Variants in PDE4D observed in about 807,000 individuals in gnomAD.
The protein encoded by PDE4D is phosphodiesterase 4D.
In PDE4D, 24 loss-of-function variants were observed where a neutral mutation model predicts 87.4. That is an observed-to-expected ratio of 0.27 (90% CI 0.20 to 0.39). The LOEUF (loss-of-function observed/expected upper bound fraction) is 0.39. Ranked by LOEUF, PDE4D falls within the 10% of genes least tolerant of loss-of-function variation. The pLI is 1.00. For synonymous variants in PDE4D, 384 were observed against 383.2 expected (o/e 1.00, Z -0.02); for missense variants, 714 against 1,041.0 (o/e 0.69, Z 4.32).
intron 1 of PDE4D, among the ~76,000 whole-genome samples, chr5:59,367,096 A>C (rs1783187012): frequency 6.6e-6 from 1 of 152,230 alleles, no homozygotes; most frequent in African/African-American, 2.4e-5. Context: ...GATTCAGACT[A>C]TCGACTCCTC....
At chr5:59,926,179 A>G (rs950593392) in intron 3 of PDE4D, among the ~76,000 whole-genome samples, 1 of 152,198 alleles carries the variant, frequency 6.6e-6, no homozygotes, top group Non-Finnish European at 1.5e-5. Context: ...CTCTGACCAC[A>G]ATAGAACAAA....
chr5:59,935,769 C>G (rs1756495749), intron 3 of PDE4D, among the ~76,000 whole-genome samples: 1 of 152,024 alleles, frequency 6.6e-6, no homozygotes, highest in African/African-American at 2.4e-5. Flanking sequence ...ATCCATGTCC[C>G]TACAAAGGAC....
intron 1 of PDE4D, among the ~76,000 whole-genome samples, chr5:60,510,554 C>T (rs759277990): frequency 4.6e-5 from 7 of 152,058 alleles, no homozygotes; most frequent in African/African-American, 1.4e-4. Flanking sequence ...GGGAAGGACA[C>T]GGTACTAATG....
chr5:59,610,751 G>A (rs1315180883), intron 1 of PDE4D, among the ~76,000 whole-genome samples: 2 of 152,110 alleles, frequency 1.3e-5, no homozygotes, highest in Non-Finnish European at 2.9e-5. Context: ...AAGTAAACGA[G>A]GGGGAAAAGG....
At chr5:60,078,305 G>C (rs898479440) in intron 2 of PDE4D, among the ~76,000 whole-genome samples, 1 of 151,926 alleles carries the variant, frequency 6.6e-6, no homozygotes, top group Non-Finnish European at 1.5e-5. Context: ...TCTAATATAG[G>C]TATTTATCAC....
intron 3 of PDE4D, among the ~76,000 whole-genome samples, chr5:59,984,253 A>AG (rs1189456919): frequency 1.3e-5 from 2 of 152,214 alleles, no homozygotes; most frequent in African/African-American, 2.4e-5. Flanking sequence ...GGTAATAGAA[A>AG]ATTATTTAGG....
intron 3 of PDE4D, among the ~76,000 whole-genome samples, chr5:59,905,716 T>G (rs978535256): frequency 6.6e-6 from 1 of 152,156 alleles, no homozygotes; most frequent in African/African-American, 2.4e-5. Context: ...AAATAATGCA[T>G]GTATACCTAA....
chr5:59,630,517 C>G (rs1329578882), intron 1 of PDE4D, among the ~76,000 whole-genome samples: 1 of 152,182 alleles, frequency 6.6e-6, no homozygotes. Flanking sequence ...ACCTGCCTTC[C>G]TGAAAATATG....
chr5:59,916,574 C>A (rs1293274328), intron 3 of PDE4D, among the ~76,000 whole-genome samples: 2 of 152,094 alleles, frequency 1.3e-5, no homozygotes, highest in African/African-American at 4.8e-5. Flanking sequence ...GTCTGACAAG[C>A]CAATGCAATG....
intron 11 of PDE4D, among the ~76,000 whole-genome samples, chr5:58,988,052 T>G (rs571895074): frequency 2.6e-5 from 4 of 152,294 alleles, no homozygotes; most frequent in African/African-American, 9.6e-5. Flanking sequence ...ATTAGAAGAT[T>G]TTAAAAAGGA....
intron 1 of PDE4D, among the ~76,000 whole-genome samples, chr5:60,294,681 T>C (rs1753216215): frequency 1.3e-5 from 2 of 152,170 alleles, no homozygotes; most frequent in African/African-American, 2.4e-5. Flanking sequence ...TAAATGTGTG[T>C]CTATTTCTGG....
At chr5:60,432,874 C>CAA (rs1184977614) in intron 1 of PDE4D, among the ~76,000 whole-genome samples, 1 of 152,178 alleles carries the variant, frequency 6.6e-6, no homozygotes, top group East Asian at 1.9e-4. Flanking sequence ...ACTGGCTAAT[C>CAA]ATATGCCAAA....
At chr5:59,933,783 TATATATATTA>T (rs1347413631) in intron 3 of PDE4D, among the ~76,000 whole-genome samples, 1,538 of 110,684 alleles carry the variant, frequency 0.014, 42 homozygotes, top group African/African-American at 0.068. Context: ...TATATATATA[TATATATATTA>T]ATAAGCATTC....
intron 1 of PDE4D, among the ~76,000 whole-genome samples, chr5:59,298,752 A>C (rs1167503503): frequency 6.6e-6 from 1 of 152,210 alleles, no homozygotes; most frequent in Non-Finnish European, 1.5e-5. Context: ...GTGTTTTTAA[A>C]GCACATTATA....
intron 2 of PDE4D, among the ~76,000 whole-genome samples, chr5:60,127,287 C>G (rs1031203663): frequency 6.6e-6 from 1 of 152,196 alleles, no homozygotes; most frequent in East Asian, 1.9e-4. Context: ...ACAAAAATGA[C>G]GTTAATAGTC....
chr5:59,587,742 C>A (rs1825380486), intron 1 of PDE4D: 1 of 282,016 alleles, frequency 3.5e-6, no homozygotes, highest in Non-Finnish European at 5.3e-6. Context: ...TGCTAACCTC[C>A]AAGTAAGAGC....
In PDE4D at chr5:59,244,583, T is replaced by C. The variant is rs190464759; in HGVS notation, c.456-28615A>G. On this transcript the variant is annotated intron_variant, in intron 1 of 14. Coordinates refer to ENST00000340635, the MANE Select transcript of PDE4D (RefSeq NM_001104631.2). ...ACGTGTACACACATATGTATACACA[T>C]ATATATATACATATATACACATATA... Among the ~76,000 whole-genome samples the C allele has an allele frequency of 2.7e-3, 398 of 148,736 alleles. 7 individuals carry two copies. In the East Asian group the frequency reaches 0.054, roughly 20 times the overall value.
At chr5:59,312,041 ATCCCAC>A (rs2153566473) in intron 1 of PDE4D, among the ~76,000 whole-genome samples, 1 of 152,188 alleles carries the variant, frequency 6.6e-6, no homozygotes, top group East Asian at 1.9e-4. Context: ...CCCCCTATTT[ATCCCAC>A]TCCCAGACCT....
At chr5:59,666,000 G>A (rs1010631978) in intron 1 of PDE4D, among the ~76,000 whole-genome samples, 13 of 152,064 alleles carry the variant, frequency 8.5e-5, no homozygotes, top group African/African-American at 2.4e-4. Context: ...TCCCTCTGTC[G>A]GCCAGGCTGG....
Sources: gnomAD v4.1 joint callset for allele counts (sites outside exome capture counted in the v4.1 genomes callset) on GRCh38, gnomAD v4.1.1 for gene constraint, MANE v1.5 for transcripts, NCBI Gene and HGNC (gene_info 2026-07-23, HGNC 2026-07-21) for gene names.